The following ARFGEF2 variants were observed in gnomAD, a reference collection of about 807,000 sequenced individuals.
The protein encoded by ARFGEF2 is ARF guanine nucleotide exchange factor 2.
ARFGEF2 carries 74 observed loss-of-function variants against 219.9 expected under a neutral mutation model. The ratio of observed to expected loss-of-function variants is 0.34; its 90% confidence interval spans 0.28 to 0.41. The LOEUF is 0.41. ARFGEF2 is among the 10% of genes least tolerant of loss of function. The pLI, the probability that ARFGEF2 is intolerant of heterozygous loss-of-function variation, is 1.00. For synonymous variants in ARFGEF2, 733 were observed against 799.2 expected, an observed-to-expected ratio of 0.92 and a Z score of 1.40; for missense variants, 1,743 against 2,218.3, an observed-to-expected ratio of 0.79 and a Z score of 4.30.
intron 23 of ARFGEF2, among the ~76,000 whole-genome samples, chr20:48,996,512 G>T (rs2091388872): frequency 6.6e-6 from 1 of 151,676 alleles, no homozygotes; most frequent in South Asian, 2.1e-4. Flanking sequence ...TGGGAGGCAG[G>T]TGGATCACAA....
chr20:48,981,453 T>C (rs1026203279), intron 14 of ARFGEF2, among the ~76,000 whole-genome samples: 2 of 152,180 alleles, frequency 1.3e-5, no homozygotes, highest in Admixed American at 6.5e-5. Flanking sequence ...CTGACAATTA[T>C]ATGTCTTGGG....
intron 26 of ARFGEF2, among the ~76,000 whole-genome samples, chr20:49,007,961 G>A (rs1055483157): frequency 6.6e-6 from 1 of 152,042 alleles, no homozygotes; most frequent in African/African-American, 2.4e-5. Context: ...TTGAAAAGGG[G>A]CAGAGTGAGT....
intron 28 of ARFGEF2, 145 bp downstream of exon 28, chr20:49,012,229 C>A: frequency 9.4e-7 from 1 of 1,058,908 alleles, no homozygotes; most frequent in Admixed American, 2.2e-5. Flanking sequence ...CAAAATGCTG[C>A]CATGACAGGG....
At position 49,025,402 on chromosome 20, in the gene ARFGEF2, G is replaced by C; in HGVS notation, c.4845G>C (p.Leu1615Phe). ...YMSSQHLFKL[L>F]DCLQESHSFS... The stretch of plus-strand genomic sequence containing the variant: ...CTTCCCAGCACCTCTTCAAGCTGTT[G>C]GACTGTTTGCAGGAATCCCATTCAT... Residue 1615 changes from leucine (L) to phenylalanine (F), a missense_variant, in exon 36 of 39, where the codon TTG becomes TTC. Coordinates refer to ENST00000371917, the MANE Select transcript of ARFGEF2 (RefSeq NM_006420.3). 6.2e-7 allele frequency: 1 copy of C among 1,614,058 alleles called. No homozygotes were observed. The highest frequency in any genetic ancestry group is 1.1e-5 in the South Asian group (1 of 91,084).
intron 28 of ARFGEF2, among the ~76,000 whole-genome samples, chr20:49,012,623 G>T (rs1246518874): frequency 1.3e-5 from 2 of 152,076 alleles, no homozygotes; most frequent in Non-Finnish European, 2.9e-5. Context: ...GATGTCCTGT[G>T]TAGATCTCTA....
chr20:49,016,598 A>G (rs1040750887), intron 31 of ARFGEF2, among the ~76,000 whole-genome samples, 183 bp downstream of exon 31: 4 of 152,168 alleles, frequency 2.6e-5, no homozygotes, highest in Non-Finnish European at 5.9e-5. Context: ...TTCATAAAGC[A>G]TTTCTTAAAG....
intron 30 of ARFGEF2, among the ~76,000 whole-genome samples, chr20:49,014,954 C>T (rs2091521449): frequency 6.6e-6 from 1 of 152,214 alleles, no homozygotes; most frequent in Non-Finnish European, 1.5e-5. Flanking sequence ...GTGTTGCTTT[C>T]ATCTGTGTGT....
chr20:48,932,264 T>A (rs2090917831), intron 1 of ARFGEF2, among the ~76,000 whole-genome samples: 1 of 152,170 alleles, frequency 6.6e-6, no homozygotes, highest in East Asian at 1.9e-4. Context: ...TTGTGCCCAC[T>A]TCTAATTTCT....
intron 3 of ARFGEF2, 49 bp downstream of exon 3, chr20:48,942,036 A>G (rs775705928): frequency 2.5e-6 from 4 of 1,611,902 alleles, no homozygotes; most frequent in East Asian, 2.2e-5. Context: ...TCCAAGCCAC[A>G]GTTGGTCCTT....
chr20:48,928,374 A>G (rs1282743911), intron 1 of ARFGEF2, among the ~76,000 whole-genome samples: 2 of 143,458 alleles, frequency 1.4e-5, no homozygotes, highest in East Asian at 2.0e-4. Flanking sequence ...AATTTTTTGT[A>G]TTTTTAGTAG....
intron 6 of ARFGEF2, among the ~76,000 whole-genome samples, chr20:48,956,270 A>G (rs1305235765): frequency 6.6e-6 from 1 of 152,220 alleles, no homozygotes; most frequent in African/African-American, 2.4e-5. Flanking sequence ...TTGGCATTCA[A>G]CATAATGTTT....
Position 49,033,200 on chromosome 20 carries a change from C to A in ARFGEF2, c.*1C>A, listed in dbSNP as rs754790692. The A allele has an allele frequency of 1.5e-5, 25 of 1,614,148 alleles. No individual in the cohort carries two copies. In the South Asian group the frequency reaches 2.6e-4, roughly 17 times the overall value. ...AGCAGCACTGTCACCAGTGTGGTAGCCCTGGCTGCCCAGGCCAGTGCTGCA... is the reference window on the plus strand; with the variant it reads ...AGCAGCACTGTCACCAGTGTGGTAGACCTGGCTGCCCAGGCCAGTGCTGCA... On this transcript the variant is annotated 3_prime_UTR_variant, in exon 39 of 39. Coordinates refer to ENST00000371917, the MANE Select transcript of ARFGEF2 (RefSeq NM_006420.3).
chr20:49,025,547 T>C, intron 36 of ARFGEF2, 66 bp downstream of exon 36: 4 of 1,588,104 alleles, frequency 2.5e-6, no homozygotes, highest in Non-Finnish European at 3.5e-6. Flanking sequence ...TTAAAGTGCT[T>C]GGAAAATGCC....
intron 1 of ARFGEF2, among the ~76,000 whole-genome samples, chr20:48,936,719 G>T (rs1271345059): frequency 2.0e-5 from 3 of 152,060 alleles, no homozygotes; most frequent in Non-Finnish European, 2.9e-5. Flanking sequence ...TAGAGATGGG[G>T]TTTCTCTATG....
At position 48,976,163 on chromosome 20, in the gene ARFGEF2, A is replaced by G. The variant is rs780468795; in HGVS notation, c.1922A>G (p.Lys641Arg). 1 of 1,614,134 alleles carries G rather than the reference A, an allele frequency of 6.2e-7. No homozygotes were observed. The highest frequency in any genetic ancestry group is 1.7e-5 in the Admixed American group (1 of 60,022). ...QDDPEQFEVI[K>R]QQKEIIEHGI... ...GACCCTGAGCAATTTGAGGTCATCAAGCAACAAAAAGAAATCATTGAACAC... is the reference window on the plus strand; with the variant it reads ...GACCCTGAGCAATTTGAGGTCATCAGGCAACAAAAAGAAATCATTGAACAC... Residue 641 changes from lysine (K) to arginine (R), a missense_variant, in exon 14 of 39, where the codon AAG (lysine) becomes AGG (arginine). By Grantham distance (26) the Lys-to-Arg change is conservative. Around this residue, in one of 5 missense-constraint regions of ARFGEF2, gnomAD observed 666 missense variants for 955.4 expected, o/e 0.70. Coordinates refer to ENST00000371917, the MANE Select transcript of ARFGEF2 (RefSeq NM_006420.3).
At chr20:48,945,789 A>G (rs911629091) in intron 3 of ARFGEF2, among the ~76,000 whole-genome samples, 12 of 152,162 alleles carry the variant, frequency 7.9e-5, no homozygotes, top group Admixed American at 7.2e-4. Flanking sequence ...GCTTGGGCCC[A>G]GGAGGTTGAG....
chr20:49,018,158 C>T (rs6066949), intron 33 of ARFGEF2, among the ~76,000 whole-genome samples: 37,038 of 152,170 alleles, frequency 0.24, 5,219 homozygotes, highest in East Asian at 0.47. Context: ...TCCTAAGTGA[C>T]TCTAAGACCA....
At chr20:48,984,984 C>T (rs576888441) in intron 15 of ARFGEF2, 144 bp downstream of exon 15, 41 of 1,441,680 alleles carry the variant, frequency 2.8e-5, no homozygotes, top group East Asian at 1.7e-4. Context: ...TGTCCACCCC[C>T]GGGTTACAGC....
chr20:48,995,022 G>A (rs1248903989), intron 22 of ARFGEF2, among the ~76,000 whole-genome samples: 5 of 152,092 alleles, frequency 3.3e-5, no homozygotes, highest in African/African-American at 1.2e-4. Flanking sequence ...CTATACATTG[G>A]ATTGAGAAAC....
Sources: gnomAD v4.1 joint callset for allele counts (sites outside exome capture counted in the v4.1 genomes callset) on GRCh38, gnomAD v4.1.1 for gene constraint, gnomAD v4.1.1 regional missense constraint, MANE v1.5 for transcripts, NCBI Gene and HGNC (gene_info 2026-07-23, HGNC 2026-07-21) for gene names.